ZNF831: variants seen among roughly 807,000 people sequenced by gnomAD.
ZNF831 encodes the protein zinc finger protein 831.
A neutral mutation model predicts 95.8 loss-of-function variants in ZNF831; 59 were observed. The observed-to-expected ratio is 0.62, with a 90% CI of 0.50 to 0.77. The LOEUF is 0.77. ZNF831 is among the 30% of genes least tolerant of loss of function. ZNF831 has a pLI of 0.00. For missense variants in ZNF831, 2,205 were observed against 2,164.0 expected, an observed-to-expected ratio of 1.02 and a Z score of -0.38; for synonymous variants, 961 against 925.5, an observed-to-expected ratio of 1.04 and a Z score of -0.70.
chr20:59,202,342 A>ATTTT lies in ZNF831; in HGVS notation c.3876-4563_3876-4562insTTTT, dbSNP rs762881064. 8.4e-3 allele frequency among the ~76,000 whole-genome samples: 1,034 copies of ATTTT among 122,622 alleles called. 34 individuals are homozygous for ATTTT. Among genetic ancestry groups the ATTTT allele is most frequent in the East Asian group, 0.082 (397 of 4,864 alleles). The allele number at this position is 122,622 out of a possible 152,430, so 80.4% of individuals were successfully genotyped here. On this transcript the variant is annotated intron_variant, in intron 3 of 5. Transcript: ENST00000371030. ...TTTCAACCTTTTTTTTTTTTTTTAA[A>ATTTT]AAAAAAAACACATCTAATGTTTTGC...
chr20:59,252,997 G>C lies in ZNF831; in HGVS notation c.4047G>C (p.Glu1349Asp). The C allele has an allele frequency of 1.2e-6, 2 of 1,613,932 alleles. No homozygotes were observed. The highest frequency in any genetic ancestry group is 1.7e-6 in the Non-Finnish European group (2 of 1,179,884). The change falls in exon 5 of 6, where the codon GAG becomes GAC. Residue 1349 changes from glutamate to aspartate, a missense_variant. Glu to Asp is a conservative substitution (Grantham distance 45). Coordinates refer to ENST00000371030, the MANE Select transcript of ZNF831 (RefSeq NM_178457.3). Reference protein sequence around the residue: ...SEIAGLNLQEEPSCATSESPP... With the variant: ...SEIAGLNLQEDPSCATSESPP... ...TTGCAGGTCTGAATCTGCAAGAGGA[G>C]CCATCTTGTGCCACCTCAGAATCAC...
At chr20:59,215,335 A>G (rs775969743) in intron 4 of ZNF831, among the ~76,000 whole-genome samples, 5 of 152,226 alleles carry the variant, frequency 3.3e-5, no homozygotes, top group Non-Finnish European at 5.9e-5. Context: ...ACACATCTGA[A>G]GTCTTATTGA....
intron 1 of ZNF831, among the ~76,000 whole-genome samples, chr20:59,185,458 C>T (rs1679191488): frequency 6.6e-6 from 1 of 152,144 alleles, no homozygotes; most frequent in Non-Finnish European, 1.5e-5. Context: ...TTTTCCTCCT[C>T]CCCCTACCCC....
intron 3 of ZNF831, among the ~76,000 whole-genome samples, chr20:59,198,435 T>C (rs1183325384): frequency 6.6e-6 from 1 of 152,254 alleles, no homozygotes; most frequent in Non-Finnish European, 1.5e-5. Context: ...GGGTAAGAGC[T>C]GTGTTCCCTG....
chr20:59,226,266 C>T (rs1986425092), intron 4 of ZNF831, among the ~76,000 whole-genome samples: 1 of 152,164 alleles, frequency 6.6e-6, no homozygotes, highest in African/African-American at 2.4e-5. Flanking sequence ...GACCTGCTTC[C>T]TAATGGGTAG....
chr20:59,130,141 G>A (rs1040055045), intron 1 of ZNF831, among the ~76,000 whole-genome samples: 1 of 152,170 alleles, frequency 6.6e-6, no homozygotes, highest in Non-Finnish European at 1.5e-5. Flanking sequence ...GCTAGGAAGG[G>A]CCTGGCACTT....
intron 2 of ZNF831, among the ~76,000 whole-genome samples, chr20:59,147,559 T>G (rs1979942673): frequency 6.6e-6 from 1 of 152,170 alleles, no homozygotes; most frequent in Non-Finnish European, 1.5e-5. Context: ...CAAGCTGAAA[T>G]TGGGAAAAGG....
At chr20:59,253,870 T>TC in intron 5 of ZNF831, 28 bp from the exon 6 acceptor site, 1 of 474,068 alleles carries the variant, frequency 2.1e-6, no homozygotes. Flanking sequence ...CCCCCCCCAC[T>TC]TTTTTTTTCC....
intron 4 of ZNF831, among the ~76,000 whole-genome samples, chr20:59,244,204 TACTG>T (rs1298377221): frequency 7.2e-5 from 11 of 152,132 alleles, no homozygotes; most frequent in African/African-American, 2.4e-4. Flanking sequence ...TTAAAACTAT[TACTG>T]AGAGAGGCAA....
At chr20:59,223,118 G>C (rs1986208356) in intron 4 of ZNF831, among the ~76,000 whole-genome samples, 1 of 152,146 alleles carries the variant, frequency 6.6e-6, no homozygotes, top group South Asian at 2.1e-4. Flanking sequence ...GGAGGAGGCA[G>C]GAAGGGGGCC....
chr20:59,158,997 G>A (rs774999968), upstream of ZNF831, among the ~76,000 whole-genome samples: 2 of 152,130 alleles, frequency 1.3e-5, no homozygotes, highest in African/African-American at 2.4e-5. Context: ...AAGCCAGGGT[G>A]GGTGGTGATT....
In ZNF831 at chr20:59,254,447, C is replaced by T. The variant is rs2146769909; in HGVS notation, c.4738C>T (p.His1580Tyr). 3 of 1,614,164 alleles carry T rather than the reference C, an allele frequency of 1.9e-6. No homozygotes were observed. The highest frequency in any genetic ancestry group is 2.5e-6 in the Non-Finnish European group (3 of 1,180,038). The change falls in exon 6 of 6, where the codon CAC becomes TAC. Residue 1580 changes from histidine to tyrosine, a missense_variant. Coordinates refer to ENST00000371030, the MANE Select transcript of ZNF831 (RefSeq NM_178457.3). The surrounding 1 kb of genome is among the most constrained non-coding windows in gnomAD (Gnocchi z 4.5). Reference sequence around the variant, plus strand: ...TTCAGGACCAAGTTCAGCTAGTTCACACCACAAGGAAGGGAGACACAAGAC... The same window carrying T: ...TTCAGGACCAAGTTCAGCTAGTTCATACCACAAGGAAGGGAGACACAAGAC... ...PASGPSSASS[H>Y]HKEGRHKTFF...
intron 4 of ZNF831, among the ~76,000 whole-genome samples, chr20:59,221,906 T>TTCG (rs1986099960): frequency 6.6e-6 from 1 of 152,222 alleles, no homozygotes; most frequent in South Asian, 2.1e-4. Context: ...TTATTAAGTG[T>TTCG]TCGTTAAGCA....
At position 59,194,090 on chromosome 20, in the gene ZNF831, G is replaced by A. The variant is rs751059121; in HGVS notation, c.3071G>A (p.Gly1024Glu). 1.9e-6 allele frequency: 3 copies of A among 1,541,858 alleles called. No homozygotes were observed. The highest frequency in any genetic ancestry group is 1.7e-6 in the Non-Finnish European group (2 of 1,144,694). Reference sequence around the variant, plus strand: ...GGGAGAAAAGGGGCACAGTTGGGGGGGGACAAGGGGGACAGGATGGCCACT... The same window carrying A: ...GGGAGAAAAGGGGCACAGTTGGGGGAGGACAAGGGGGACAGGATGGCCACT... Reference protein sequence around the residue: ...QDGRKGAQLGGDKGDRMATSR... With the variant: ...QDGRKGAQLGEDKGDRMATSR... Residue 1024 changes from glycine (G) to glutamate (E), a missense_variant, in exon 2 of 6, where the codon GGG becomes GAG. By Grantham distance (98) the Gly-to-Glu change is moderately conservative (BLOSUM62 -2). Transcript: ENST00000371030.
rs200346116 is a variant in ZNF831, at chr20:59,193,650, C to T, written c.2631C>T (p.Gly877=). Residue 877 remains glycine (G), a synonymous_variant, in exon 2 of 6, where the codon GGC becomes GGT. Coordinates refer to ENST00000371030, the MANE Select transcript of ZNF831 (RefSeq NM_178457.3). ...GGSKESARQV[G]EPLESSGASL... ...CAAAGGAGAGTGCCAGGCAGGTGGG[C>T]GAGCCTCTGGAGTCCTCTGGAGCCT... 34 of 1,610,198 alleles carry T rather than the reference C, an allele frequency of 2.1e-5. No homozygotes were observed. Among genetic ancestry groups the T allele is most frequent in the East Asian group, 1.1e-4 (5 of 44,626 alleles).
intron 2 of ZNF831, among the ~76,000 whole-genome samples, chr20:59,148,670 A>AC (rs1980028273): frequency 3.3e-5 from 3 of 90,434 alleles, no homozygotes; most frequent in Admixed American, 2.2e-4. Context: ...ACAGAGCGAA[A>AC]CTCCGTCTCA....
At chr20:59,228,300 A>T (rs1274187265) in intron 4 of ZNF831, among the ~76,000 whole-genome samples, 6 of 152,034 alleles carry the variant, frequency 3.9e-5, no homozygotes, top group Admixed American at 2.6e-4. Context: ...TTGCTCATTC[A>T]TCTGTGGAGC....
At chr20:59,194,816 G>A (rs2146605293) in intron 2 of ZNF831, 59 bp downstream of exon 2, 1 of 1,486,580 alleles carries the variant, frequency 6.7e-7, no homozygotes, top group East Asian at 2.4e-5. Flanking sequence ...TATCCCGTAA[G>A]ACCTCTCATG....
At chr20:59,156,830 A>G (rs764956445) in intron 2 of ZNF831, among the ~76,000 whole-genome samples, 3 of 152,246 alleles carry the variant, frequency 2.0e-5, no homozygotes, top group Non-Finnish European at 2.9e-5. Context: ...GTGTTGTTGC[A>G]AAGGCAGAAT....
Sources: allele counts gnomAD v4.1 joint callset (sites outside exome capture counted in the v4.1 genomes callset), GRCh38; gene constraint gnomAD v4.1.1; non-coding constraint Gnocchi (gnomAD v3.1); transcripts MANE v1.5; gene names NCBI Gene and HGNC (gene_info 2026-07-23, HGNC 2026-07-21).